The following TASP1 variants were observed in gnomAD, a reference collection of about 807,000 sequenced individuals.
TASP1 encodes threonine aspartase 1.
TASP1 carries 16 observed loss-of-function variants against 56.6 expected under a neutral mutation model. That is an observed-to-expected ratio of 0.28 (90% CI 0.19 to 0.43). TASP1 has a LOEUF of 0.43. TASP1 is among the 20% of genes least tolerant of loss of function. The pLI is 1.00. For synonymous variants in TASP1, 179 were observed against 184.2 expected, an observed-to-expected ratio of 0.97 and a Z score of 0.23; for missense variants, 393 against 511.6, an observed-to-expected ratio of 0.77 and a Z score of 2.24.
At chr20:13,518,878 C>T (rs1477410404) in intron 10 of TASP1, among the ~76,000 whole-genome samples, 2 of 152,132 alleles carry the variant, frequency 1.3e-5, no homozygotes, top group African/African-American at 4.8e-5. Context: ...AAGGCACTCA[C>T]ATGTCCATCA....
chr20:13,421,108 C>CT lies in TASP1; in HGVS notation c.1097-3588dup, dbSNP rs34805037. Among the ~76,000 whole-genome samples the CT allele has an allele frequency of 4.1e-3, 503 of 123,412 alleles. 5 individuals are homozygous for CT. Among genetic ancestry groups the CT allele is most frequent in the South Asian group, 0.011 (39 of 3,636 alleles). The allele number at this position is 123,412 out of a possible 152,430, so 81.0% of individuals were successfully genotyped here. A position where few individuals can be genotyped will look rare whatever the true frequency, so the allele number is the denominator to read the frequency against. The stretch of plus-strand genomic sequence containing the variant: ...AAAAAGTATTTATAGCGTTTTCCTT[C>CT]TTTTTTTTTTTTTTTTTTTTTTAAG... On this transcript the variant is annotated intron_variant, in intron 12 of 13. Transcript: ENST00000337743.
At chr20:13,529,810 A>AT (rs1226493111) in intron 9 of TASP1, among the ~76,000 whole-genome samples, 1 of 151,994 alleles carries the variant, frequency 6.6e-6, no homozygotes, top group African/African-American at 2.4e-5. Context: ...ATATTCTGTT[A>AT]TTTTTTTACA....
the TASP1 span, among the ~76,000 whole-genome samples, chr20:13,141,219 G>T: frequency 2.0e-5 from 3 of 152,186 alleles, no homozygotes; most frequent in Non-Finnish European, 4.4e-5. Context: ...GACATTGATT[G>T]TCTTCAGTGC....
chr20:13,494,504 T>A (rs544473255), intron 10 of TASP1, among the ~76,000 whole-genome samples: 14 of 152,214 alleles, frequency 9.2e-5, no homozygotes, highest in African/African-American at 3.1e-4. Flanking sequence ...GGTCACTGAC[T>A]CACTGACTCA....
intron 11 of TASP1, among the ~76,000 whole-genome samples, chr20:13,457,963 AT>A (rs1183761314): frequency 2.0e-5 from 3 of 152,192 alleles, no homozygotes; most frequent in Non-Finnish European, 4.4e-5. Flanking sequence ...TGTGAAATTC[AT>A]TTTTTTAAAA....
the TASP1 span, among the ~76,000 whole-genome samples, chr20:13,309,858 A>G: frequency 0.1 from 15,951 of 152,144 alleles, 2,782 homozygotes; most frequent in African/African-American, 0.36. Context: ...CATCAAAAAA[A>G]ACTAAGGATG....
At position 13,413,389 on chromosome 20, in the gene TASP1, G is replaced by C. The variant is rs899936208; in HGVS notation, c.1170+4059C>G. The stretch of plus-strand genomic sequence containing the variant: ...TTGTTGAGTAAATTTTTTTTTTTAA[G>C]AAAAGCTGAGTAATATAACAAAAAA... On this transcript the variant is annotated intron_variant, in intron 13 of 13. Transcript: ENST00000337743. Among the ~76,000 whole-genome samples, 4 of 151,472 alleles carry C rather than the reference G, an allele frequency of 2.6e-5. No homozygotes were observed. In the East Asian group the frequency reaches 5.8e-4, roughly 22 times the overall value.
chr20:13,212,783 G>A, the TASP1 span, among the ~76,000 whole-genome samples: 1 of 152,176 alleles, frequency 6.6e-6, no homozygotes, highest in African/African-American at 2.4e-5. Flanking sequence ...TCCAAAACGT[G>A]TAAACAGCTC....
the TASP1 span, among the ~76,000 whole-genome samples, chr20:13,272,636 G>A: frequency 6.6e-6 from 1 of 152,170 alleles, no homozygotes; most frequent in South Asian, 2.1e-4. Context: ...ACAAGCCCCA[G>A]TTAAAATTTC....
At chr20:13,614,988 A>G (rs924850288) in intron 4 of TASP1, 82 of 288,836 alleles carry the variant, frequency 2.8e-4, no homozygotes, top group African/African-American at 1.7e-3. Context: ...ATTGACAATA[A>G]TATGGAAACA....
the TASP1 span, among the ~76,000 whole-genome samples, chr20:13,113,431 C>T: frequency 6.6e-6 from 1 of 152,088 alleles, no homozygotes; most frequent in African/African-American, 2.4e-5. Flanking sequence ...TCAATTTTTT[C>T]ATAACCCCCA....
At chr20:13,600,165 G>A (rs1010649486) in intron 4 of TASP1, among the ~76,000 whole-genome samples, 1 of 152,164 alleles carries the variant, frequency 6.6e-6, no homozygotes, top group Non-Finnish European at 1.5e-5. Context: ...CTATGTTCAT[G>A]AACTGGAAAA....
chr20:13,575,687 A>G (rs955006192), intron 6 of TASP1, among the ~76,000 whole-genome samples: 1 of 152,176 alleles, frequency 6.6e-6, no homozygotes, highest in African/African-American at 2.4e-5. Context: ...CAATATGATC[A>G]AGAGCATCTG....
At chr20:13,425,148 G>A (rs937452861) in intron 12 of TASP1, among the ~76,000 whole-genome samples, 2 of 152,102 alleles carry the variant, frequency 1.3e-5, no homozygotes, top group African/African-American at 2.4e-5. Context: ...GCCCAACACC[G>A]GTACTACTTC....
At chr20:13,502,870 G>A (rs2043995365) in intron 10 of TASP1, among the ~76,000 whole-genome samples, 1 of 152,172 alleles carries the variant, frequency 6.6e-6, no homozygotes, top group African/African-American at 2.4e-5. Flanking sequence ...CAGAATAAAT[G>A]CACTGAAGAG....
chr20:13,350,272 G>A, the TASP1 span, among the ~76,000 whole-genome samples: 1 of 152,124 alleles, frequency 6.6e-6, no homozygotes. Flanking sequence ...TGCATCCATG[G>A]ACTGGAAGAC....
chr20:13,489,403 A>G, intron 10 of TASP1, among the ~76,000 whole-genome samples: 1 of 152,146 alleles, frequency 6.6e-6, no homozygotes, highest in Non-Finnish European at 1.5e-5. Context: ...GCCATATCTG[A>G]CTAAATCCAA....
chr20:13,534,532 A>G lies in TASP1; in HGVS notation c.676-391T>C, dbSNP rs534072722. 9.8e-5 allele frequency among the ~76,000 whole-genome samples: 15 copies of G among 152,324 alleles called. No individual in the cohort carries two copies. In the East Asian group the frequency reaches 2.5e-3, roughly 25 times the overall value. On this transcript the variant is annotated intron_variant, in intron 8 of 13. Coordinates refer to ENST00000337743, the MANE Select transcript of TASP1 (RefSeq NM_017714.3). ...GGTGGCATAAATGAGCTAATAATAA[A>G]TACTCTTGTTGGTATTTCTTTAAGT...
the TASP1 span, chr20:13,239,158 G>T: frequency 1.3e-5 from 2 of 152,200 alleles, no homozygotes; most frequent in African/African-American, 4.8e-5. Context: ...TCTAAACATT[G>T]AACAGCAGGT....
Sources: allele counts gnomAD v4.1 joint callset (sites outside exome capture counted in the v4.1 genomes callset), GRCh38; gene constraint gnomAD v4.1.1; transcripts MANE v1.5; gene names NCBI Gene and HGNC (gene_info 2026-07-23, HGNC 2026-07-21).